The following KIF5C variants were observed in gnomAD, a reference collection of about 807,000 sequenced individuals.
The protein encoded by KIF5C is kinesin family member 5C, also known as kinesin heavy chain isoform 5C.
KIF5C carries 18 observed loss-of-function variants against 125.2 expected under a neutral mutation model. The observed-to-expected ratio is 0.14, with a 90% CI of 0.10 to 0.21. The LOEUF (loss-of-function observed/expected upper bound fraction) is 0.21. KIF5C is among the 10% of genes least tolerant of loss of function. KIF5C has a pLI of 1.00. For missense variants in KIF5C, 780 were observed against 1,183.8 expected, an observed-to-expected ratio of 0.66 and a Z score of 5.01; for synonymous variants, 405 against 434.0, an observed-to-expected ratio of 0.93 and a Z score of 0.83.
At chr2:149,004,065 G>A (rs1411652467) in intron 21 of KIF5C, among the ~76,000 whole-genome samples, 1 of 152,250 alleles carries the variant, frequency 6.6e-6, no homozygotes, top group Admixed American at 6.5e-5. Context: ...CTGGAAGGCA[G>A]CACAGCCTCA....
At chr2:148,919,093 A>G (rs775602397) in intron 1 of KIF5C, among the ~76,000 whole-genome samples, 9 of 152,198 alleles carry the variant, frequency 5.9e-5, no homozygotes, top group Non-Finnish European at 1.0e-4. Flanking sequence ...GGTCAGTTAA[A>G]TTTGAGATGG....
chr2:148,984,048 C>G (rs1681312026), intron 15 of KIF5C, among the ~76,000 whole-genome samples: 1 of 152,160 alleles, frequency 6.6e-6, no homozygotes, highest in African/African-American at 2.4e-5. Context: ...GTTTATTTCT[C>G]AACTTATTTC....
intron 9 of KIF5C, 60 bp from the exon 10 acceptor site, chr2:148,950,254 G>C (rs1682626507): frequency 6.3e-7 from 1 of 1,578,352 alleles, no homozygotes; most frequent in Non-Finnish European, 8.6e-7. Context: ...TGACTTGCTT[G>C]CCTCTGTGTT....
intron 1 of KIF5C, among the ~76,000 whole-genome samples, chr2:148,914,762 G>A (rs1681478535): frequency 6.6e-6 from 1 of 152,380 alleles, no homozygotes; most frequent in South Asian, 2.1e-4. Flanking sequence ...GTGGGGAGGG[G>A]GAGGGCAATG....
intron 1 of KIF5C, among the ~76,000 whole-genome samples, 155 bp downstream of exon 1, chr2:148,875,898 G>A (rs938602524): frequency 6.7e-6 from 1 of 149,220 alleles, no homozygotes; most frequent in Non-Finnish European, 1.5e-5. Flanking sequence ...CTCGCCCCGC[G>A]CACTATGGTT....
chr2:148,950,569 G>A (rs1682633426), intron 10 of KIF5C, 107 bp downstream of exon 10: 2 of 1,408,942 alleles, frequency 1.4e-6, no homozygotes, highest in Admixed American at 4.8e-5. Context: ...AGCACTTTGG[G>A]AGGCCAAGGC....
rs921907744 is a variant in KIF5C at position 148,966,327 on chromosome 2, T to C, written c.1117+4208T>C. ...GCTGCTGGAGAGCAAGGAAGGGGTA[T>C]GTGTAGCAAAGTGTGTGTGTGTGTG... On this transcript the variant is annotated intron_variant, in intron 11 of 25. Coordinates refer to ENST00000435030, the MANE Select transcript of KIF5C (RefSeq NM_004522.3). 2.0e-5 allele frequency among the ~76,000 whole-genome samples: 3 copies of C among 151,518 alleles called. No individual in the cohort carries two copies. In the South Asian group the frequency reaches 6.2e-4, roughly 31 times the overall value.
At chr2:148,926,589 G>T (rs1430690803) in intron 2 of KIF5C, among the ~76,000 whole-genome samples, 1 of 152,168 alleles carries the variant, frequency 6.6e-6, no homozygotes, top group Admixed American at 6.5e-5. Context: ...TCCTGCTACG[G>T]CTCCCCCTCT....
intron 16 of KIF5C, 96 bp downstream of exon 16, chr2:148,991,294 T>A: frequency 6.8e-7 from 1 of 1,469,802 alleles, no homozygotes; most frequent in South Asian, 1.4e-5. Context: ...TTAGGCTTAG[T>A]TGAGGGACTG....
chr2:149,002,704 TCA>T (rs1479430915), intron 21 of KIF5C, among the ~76,000 whole-genome samples: 2 of 152,008 alleles, frequency 1.3e-5, no homozygotes, highest in African/African-American at 4.8e-5. Context: ...ACACTCCCCC[TCA>T]CACGCACGCA....
chr2:148,964,682 C>T (rs1020540331), intron 11 of KIF5C, among the ~76,000 whole-genome samples: 2 of 151,868 alleles, frequency 1.3e-5, no homozygotes, highest in Admixed American at 6.6e-5. Flanking sequence ...CTGTGAGAAG[C>T]GCAGTTAGCC....
At chr2:148,902,129 T>C (rs1488524351) in intron 1 of KIF5C, among the ~76,000 whole-genome samples, 1 of 152,078 alleles carries the variant, frequency 6.6e-6, no homozygotes, top group East Asian at 1.9e-4. Flanking sequence ...ATCCTTTCTT[T>C]CCCCTCCTGT....
rs1429349040 is a variant in KIF5C, at chr2:149,023,680, G to C, written c.*610G>C. 6.6e-6 allele frequency: 1 copy of C among 152,358 alleles called. No individual in the cohort carries two copies. Among genetic ancestry groups the C allele is most frequent in the Non-Finnish European group, 1.5e-5 (1 of 68,020 alleles). The allele number at this position is 152,358 out of a possible 1,614,324, so 9.4% of individuals were successfully genotyped here. A position where few individuals can be genotyped will look rare whatever the true frequency, so the allele number is the denominator to read the frequency against. ...TTAAAATGCAAAGCAAATTTCTTTG[G>C]GGCAGAAAAACAATCTGACAGTAGC... On this transcript the variant is annotated 3_prime_UTR_variant, in exon 26 of 26. Transcript: ENST00000435030.
chr2:149,016,633 G>A (rs1044068714), intron 25 of KIF5C, among the ~76,000 whole-genome samples: 1 of 152,178 alleles, frequency 6.6e-6, no homozygotes, highest in African/African-American at 2.4e-5. Context: ...GGGAAAGCTT[G>A]GTTTCCATCA....
At chr2:148,966,853 G>T (rs1680733325) in intron 11 of KIF5C, among the ~76,000 whole-genome samples, 1 of 152,124 alleles carries the variant, frequency 6.6e-6, no homozygotes, top group Admixed American at 6.5e-5. Context: ...ACTATAATGA[G>T]ATGCCATCTG....
rs913003939 is a variant in KIF5C, at chr2:149,010,305, C to T, written c.2721C>T (p.Ala907=). Reference sequence around the variant, plus strand: ...AGGAGGTGGATCGTATCAAGGAGGCCGTGCGGGCCAAGAACATGGCCAGAA... The same window carrying T: ...AGGAGGTGGATCGTATCAAGGAGGCTGTGCGGGCCAAGAACATGGCCAGAA... The part of the protein sequence containing the change: ...YQQEVDRIKE[A]VRAKNMARRA... The change falls in exon 24 of 26, where the codon GCC becomes GCT. Residue 907 remains alanine (A), a synonymous_variant. Coordinates refer to ENST00000435030, the MANE Select transcript of KIF5C (RefSeq NM_004522.3). 9 of 1,595,388 alleles carry T rather than the reference C, an allele frequency of 5.6e-6. No homozygotes were observed. Among genetic ancestry groups the T allele is most frequent in the African/African-American group, 2.7e-5 (2 of 74,498 alleles).
intron 10 of KIF5C, among the ~76,000 whole-genome samples, chr2:148,961,075 C>T (rs1163558413): frequency 6.6e-6 from 1 of 152,170 alleles, no homozygotes; most frequent in Non-Finnish European, 1.5e-5. Flanking sequence ...GGCATCTCAA[C>T]CCCCCAGGCC....
chr2:149,005,249 C>G, intron 21 of KIF5C, 144 bp from the exon 22 acceptor site: 1 of 1,326,502 alleles, frequency 7.5e-7, no homozygotes, highest in Non-Finnish European at 1.0e-6. Context: ...TGGGCATGGT[C>G]AGGGTGGGGG....
intron 22 of KIF5C, 83 bp from the exon 23 acceptor site, chr2:149,007,880 T>C (rs1157052003): frequency 1.7e-6 from 2 of 1,177,964 alleles, no homozygotes; most frequent in Non-Finnish European, 1.1e-6. Flanking sequence ...GGAATGGGGA[T>C]TTTTTTTTTC....
Sources: gnomAD v4.1 joint callset for allele counts (sites outside exome capture counted in the v4.1 genomes callset) on GRCh38, gnomAD v4.1.1 for gene constraint, MANE v1.5 for transcripts, NCBI Gene and HGNC (gene_info 2026-07-23, HGNC 2026-07-21) for gene names.